Variants in ZMYM2 observed in about 807,000 individuals in gnomAD.
The protein encoded by ZMYM2 is zinc finger MYM-type protein 2.
Under a neutral mutation model 162.8 loss-of-function variants are expected in ZMYM2, and 56 were observed. The ratio of observed to expected loss-of-function variants is 0.34; its 90% CI spans 0.28 to 0.43. The LOEUF (loss-of-function observed/expected upper bound fraction) is 0.43, where lower values mean the gene tolerates loss of function less well. Ranked by LOEUF, ZMYM2 falls within the 20% of genes least tolerant of loss-of-function variation. The probability of loss-of-function intolerance (pLI) is 1.00; values close to 1 mark genes in which losing one functional copy is unlikely to be tolerated. For synonymous variants in ZMYM2, 510 were observed against 541.6 expected (o/e 0.94, Z 0.81); for missense variants, 1,275 against 1,621.8 (o/e 0.79, Z 3.67).
upstream of ZMYM2, among the ~76,000 whole-genome samples, chr13:19,954,797 T>C (rs75012055): frequency 1.3e-5 from 2 of 152,040 alleles, no homozygotes; most frequent in Non-Finnish European, 2.9e-5. Flanking sequence ...AGTGTTTCCA[T>C]TGTTAAAATA....
At chr13:19,991,072 GTATTTTC>G (rs777280211) in intron 2 of ZMYM2, among the ~76,000 whole-genome samples, 36 of 134,360 alleles carry the variant, frequency 2.7e-4, no homozygotes, top group Non-Finnish European at 4.6e-4. Flanking sequence ...GTGTACGTAT[GTATTTTC>G]TGTGTGTGTG....
intron 2 of ZMYM2, among the ~76,000 whole-genome samples, chr13:19,981,019 C>T (rs1028725251): frequency 6.6e-6 from 1 of 152,054 alleles, no homozygotes; most frequent in Non-Finnish European, 1.5e-5. Flanking sequence ...TGCCTGTAAT[C>T]CCAGTGCTTT....
chr13:20,069,380 ATT>A, intron 21 of ZMYM2, among the ~76,000 whole-genome samples: 1 of 151,470 alleles, frequency 6.6e-6, no homozygotes, highest in East Asian at 1.9e-4. Context: ...AGAGGAAAGT[ATT>A]TTGTCTTTGA....
intron 2 of ZMYM2, among the ~76,000 whole-genome samples, chr13:19,980,456 ATTTTCCTGTTCTTGGC>A (rs1402899745): frequency 6.6e-6 from 1 of 151,860 alleles, no homozygotes. Context: ...TCTTTTTAGA[ATTTTCCTGTTCTTGGC>A]TGGGCGTCAT....
chr13:19,865,881 G>A, the ZMYM2 span, among the ~76,000 whole-genome samples: 9 of 152,240 alleles, frequency 5.9e-5, no homozygotes, highest in African/African-American at 2.2e-4. Flanking sequence ...CAGGACTCCC[G>A]GCTAATACAA....
At chr13:19,931,157 A>G in the ZMYM2 span, among the ~76,000 whole-genome samples, 7 of 148,810 alleles carry the variant, frequency 4.7e-5, no homozygotes, top group Non-Finnish European at 8.9e-5. Context: ...AAATAATAAT[A>G]ATAATAATAA....
chr13:19,928,306 C>CT, the ZMYM2 span, among the ~76,000 whole-genome samples: 24 of 152,018 alleles, frequency 1.6e-4, no homozygotes, highest in South Asian at 1.0e-3. Context: ...CCTGACCTGC[C>CT]TTTTTTTTAT....
At chr13:20,067,151 G>A in intron 20 of ZMYM2, 88 bp from the exon 21 acceptor site, 2 of 1,387,440 alleles carry the variant, frequency 1.4e-6, no homozygotes, top group African/African-American at 1.5e-5. Flanking sequence ...TTACTTCAGA[G>A]CTCTTACAAA....
the ZMYM2 span, among the ~76,000 whole-genome samples, chr13:19,938,555 T>G: frequency 1.4e-5 from 2 of 147,372 alleles, no homozygotes; most frequent in African/African-American, 5.1e-5. Flanking sequence ...TCTTGTAATT[T>G]TTTAACTTAG....
chr13:19,946,749 T>C, the ZMYM2 span, among the ~76,000 whole-genome samples: 1 of 152,206 alleles, frequency 6.6e-6, no homozygotes, highest in Non-Finnish European at 1.5e-5. Context: ...ACAAAGATCT[T>C]AGTAAAAGTT....
intron 14 of ZMYM2, among the ~76,000 whole-genome samples, chr13:20,055,623 T>C (rs1050349085): frequency 6.6e-6 from 1 of 152,194 alleles, no homozygotes; most frequent in Admixed American, 6.5e-5. Flanking sequence ...CATGAAGTTA[T>C]AATGTTCTTG....
the ZMYM2 span, among the ~76,000 whole-genome samples, chr13:19,872,717 G>A: frequency 6.6e-6 from 1 of 152,076 alleles, no homozygotes; most frequent in African/African-American, 2.4e-5. Flanking sequence ...CCCTTTTATA[G>A]ACCAGGCGCG....
chr13:19,909,043 C>T, the ZMYM2 span, among the ~76,000 whole-genome samples: 2 of 152,164 alleles, frequency 1.3e-5, no homozygotes, highest in South Asian at 2.1e-4. Context: ...TGTAAAGACT[C>T]AGTCAATGTT....
chr13:19,972,583 C>T (rs1378742456), intron 2 of ZMYM2, among the ~76,000 whole-genome samples: 1 of 151,824 alleles, frequency 6.6e-6, no homozygotes, highest in Non-Finnish European at 1.5e-5. Context: ...CTTAGACATT[C>T]TTTTGATGGA....
the ZMYM2 span, among the ~76,000 whole-genome samples, chr13:19,913,553 C>T: frequency 3.9e-5 from 6 of 152,076 alleles, no homozygotes; most frequent in Non-Finnish European, 8.8e-5. Context: ...GGTGAGACCC[C>T]GTCTCTACTA....
intron 17 of ZMYM2, 147 bp downstream of exon 17, chr13:20,061,371 A>AAGATACGGCAACCACC: frequency 1.4e-6 from 1 of 695,012 alleles, no homozygotes; most frequent in Non-Finnish European, 2.0e-6. Flanking sequence ...TTTTATATTA[A>AAGATACGGCAACCACC]GAGATCTACA....
At chr13:19,978,938 T>A (rs1336981252) in intron 2 of ZMYM2, among the ~76,000 whole-genome samples, 1 of 152,214 alleles carries the variant, frequency 6.6e-6, no homozygotes, top group Non-Finnish European at 1.5e-5. Flanking sequence ...GAAATGAACT[T>A]CTTTCTGCTT....
Position 20,087,276 on chromosome 13 carries a change from A to T in ZMYM2, c.*1262A>T, listed in dbSNP as rs571811841. ...CTTCTTATAGAAGATTGCATTAAAA[A>T]AAAAAACAACTTTGTGCTTCTGCAT... On this transcript the variant is annotated 3_prime_UTR_variant, in exon 25 of 25. Coordinates refer to ENST00000610343, the MANE Select transcript of ZMYM2 (RefSeq NM_197968.4). 5.2e-4 allele frequency: 98 copies of T among 189,228 alleles called. 2 individuals are homozygous for T. The South Asian group carries it at 0.018, about 35-fold the overall frequency. The allele number at this position is 189,228 out of a possible 1,614,324, so 11.7% of individuals were successfully genotyped here. A position where few individuals can be genotyped will look rare whatever the true frequency, so the allele number is the denominator to read the frequency against.
At chr13:19,987,446 G>A (rs1949250613) in intron 2 of ZMYM2, among the ~76,000 whole-genome samples, 1 of 151,914 alleles carries the variant, frequency 6.6e-6, no homozygotes, top group Admixed American at 6.6e-5. Flanking sequence ...TGTATTTTTG[G>A]TAGAGATGGG....
Sources: allele counts gnomAD v4.1 joint callset (sites outside exome capture counted in the v4.1 genomes callset), GRCh38; gene constraint gnomAD v4.1.1; transcripts MANE v1.5; gene names NCBI Gene and HGNC (gene_info 2026-07-23, HGNC 2026-07-21).